The following GALNT13 variants were observed in gnomAD, a reference collection of about 807,000 sequenced individuals.
The protein encoded by GALNT13 is UDP-GalNAc:polypeptide N-acetylgalactosaminyltransferase 13.
Under a neutral mutation model 64.2 loss-of-function variants are expected in GALNT13, and 28 were observed. The observed-to-expected ratio is 0.44, with a 90% CI of 0.32 to 0.60. GALNT13 has a LOEUF of 0.60. Among genes scored for constraint, GALNT13 ranks in the 20% least tolerant of loss-of-function variants. The probability of loss-of-function intolerance (pLI) is 0.05; values close to 1 mark genes in which losing one functional copy is unlikely to be tolerated. For missense variants in GALNT13, 577 were observed against 669.8 expected (o/e 0.86, Z 1.53); for synonymous variants, 214 against 224.6 (o/e 0.95, Z 0.42).
chr2:153,731,412 G>C, the GALNT13 span, among the ~76,000 whole-genome samples: 1 of 151,860 alleles, frequency 6.6e-6, no homozygotes, highest in Admixed American at 6.6e-5. Flanking sequence ...CCATTTGGAT[G>C]ATGAGTACAC....
chr2:153,350,333 T>A, the GALNT13 span, among the ~76,000 whole-genome samples: 1 of 152,046 alleles, frequency 6.6e-6, no homozygotes, highest in Non-Finnish European at 1.5e-5. Context: ...TATAGCTGCA[T>A]GCATCATAGT....
At chr2:153,399,699 G>T in the GALNT13 span, among the ~76,000 whole-genome samples, 9 of 151,970 alleles carry the variant, frequency 5.9e-5, no homozygotes, top group East Asian at 3.9e-4. Context: ...GTGAATGGGA[G>T]TTCACTCATG....
the GALNT13 span, among the ~76,000 whole-genome samples, chr2:153,181,148 T>A: frequency 2.6e-5 from 4 of 151,050 alleles, no homozygotes; most frequent in Non-Finnish European, 5.9e-5. Flanking sequence ...CATTTATTGC[T>A]GTAAATTTTC....
At chr2:153,233,433 G>T in the GALNT13 span, among the ~76,000 whole-genome samples, 1 of 151,942 alleles carries the variant, frequency 6.6e-6, no homozygotes, top group Non-Finnish European at 1.5e-5. Flanking sequence ...CTCTCAGCCT[G>T]CAGACCCATT....
chr2:153,096,438 G>C, the GALNT13 span, among the ~76,000 whole-genome samples: 15 of 152,246 alleles, frequency 9.9e-5, no homozygotes, highest in South Asian at 3.1e-3. Context: ...CTGTTTTGAA[G>C]ATCTGTCCAG....
At chr2:154,247,012 A>T (rs992391224) in intron 7 of GALNT13, among the ~76,000 whole-genome samples, 1 of 152,050 alleles carries the variant, frequency 6.6e-6, no homozygotes, top group Non-Finnish European at 1.5e-5. Context: ...TGACTTATCT[A>T]TTGTCACCTA....
intron 6 of GALNT13, among the ~76,000 whole-genome samples, chr2:154,245,276 TTTAC>T (rs1689720692): frequency 6.6e-6 from 1 of 152,260 alleles, no homozygotes; most frequent in Non-Finnish European, 1.5e-5. Context: ...ATCGGAAACA[TTTAC>T]TTATACTGAC....
the GALNT13 span, among the ~76,000 whole-genome samples, chr2:153,732,958 C>T: frequency 6.6e-6 from 1 of 152,066 alleles, no homozygotes; most frequent in African/African-American, 2.4e-5. Flanking sequence ...GCTTTTCTTC[C>T]TGCCTTTGAA....
chr2:153,773,368 A>T, the GALNT13 span, among the ~76,000 whole-genome samples: 1 of 152,092 alleles, frequency 6.6e-6, no homozygotes, highest in Non-Finnish European at 1.5e-5. Context: ...CAAGTTGTCT[A>T]CCTCTCTGGG....
chr2:153,403,239 C>G, the GALNT13 span, among the ~76,000 whole-genome samples: 1 of 150,560 alleles, frequency 6.6e-6, no homozygotes, highest in African/African-American at 2.4e-5. Flanking sequence ...TTAGGCTGCT[C>G]GGGGGTCAGG....
the GALNT13 span, among the ~76,000 whole-genome samples, chr2:153,230,288 A>G: frequency 1.3e-5 from 2 of 152,232 alleles, no homozygotes; most frequent in Non-Finnish European, 1.5e-5. Context: ...AGAATATTGT[A>G]TATGACTCTC....
chr2:154,417,311 G>C (rs913143208), intron 11 of GALNT13, among the ~76,000 whole-genome samples: 2 of 133,134 alleles, frequency 1.5e-5, no homozygotes, highest in Admixed American at 1.5e-4. Flanking sequence ...AAACCTGAAA[G>C]AGTTCCTAGT....
At chr2:153,847,798 T>C in the GALNT13 span, among the ~76,000 whole-genome samples, 1 of 152,184 alleles carries the variant, frequency 6.6e-6, no homozygotes, top group Non-Finnish European at 1.5e-5. Context: ...TTCAACAATG[T>C]ATTGAGAAAT....
the GALNT13 span, among the ~76,000 whole-genome samples, chr2:153,114,441 A>G: frequency 3.3e-5 from 5 of 152,140 alleles, no homozygotes; most frequent in East Asian, 1.9e-4. Flanking sequence ...AAGGTTGAAG[A>G]GTTAGGAGTA....
chr2:153,412,560 G>A, the GALNT13 span, among the ~76,000 whole-genome samples: 2 of 152,134 alleles, frequency 1.3e-5, no homozygotes. Context: ...TGGCAAGACC[G>A]AAGCTTGGTC....
the GALNT13 span, among the ~76,000 whole-genome samples, chr2:153,642,364 GAC>G: frequency 6.6e-6 from 1 of 151,582 alleles, no homozygotes; most frequent in African/African-American, 2.4e-5. Flanking sequence ...ATTTATAAGA[GAC>G]ATTTAATATA....
At chr2:154,298,967 T>C (rs931751187) in intron 8 of GALNT13, among the ~76,000 whole-genome samples, 1 of 144,564 alleles carries the variant, frequency 6.9e-6, no homozygotes, top group Admixed American at 7.1e-5. Flanking sequence ...ATCGCTAATA[T>C]GCTAAAATTA....
At chr2:153,297,332 T>C in the GALNT13 span, among the ~76,000 whole-genome samples, 1 of 152,316 alleles carries the variant, frequency 6.6e-6, no homozygotes, top group East Asian at 1.9e-4. Context: ...AAAGAGATCT[T>C]TATTTTTCTA....
At chr2:153,352,649 C>T in the GALNT13 span, among the ~76,000 whole-genome samples, 2 of 152,072 alleles carry the variant, frequency 1.3e-5, no homozygotes, top group African/African-American at 4.8e-5. Context: ...ATAAGGTCTG[C>T]ATCTAGAATC....
Sources: gnomAD v4.1 joint callset for allele counts (sites outside exome capture counted in the v4.1 genomes callset) on GRCh38, gnomAD v4.1.1 for gene constraint, MANE v1.5 for transcripts, NCBI Gene and HGNC (gene_info 2026-07-23, HGNC 2026-07-21) for gene names.